APBA1: variants seen among roughly 807,000 people sequenced by gnomAD.
APBA1 encodes the protein amyloid-beta A4 precursor protein-binding family A member 1.
Under a neutral mutation model 86.6 loss-of-function variants are expected in APBA1, and 55 were observed. The ratio of observed to expected loss-of-function variants is 0.64; its 90% CI spans 0.51 to 0.80. APBA1 has a LOEUF of 0.80. Among genes scored for constraint, APBA1 ranks in the 30% least tolerant of loss-of-function variants. The pLI is 0.00. For missense variants in APBA1, 1,090 were observed against 1,183.0 expected (o/e 0.92, Z 1.15); for synonymous variants, 511 against 493.9 (o/e 1.03, Z -0.46).
chr9:69,457,046 C>A lies in APBA1; in HGVS notation c.1602+7G>T. 3.7e-6 allele frequency: 6 copies of A among 1,613,304 alleles called. No individual in the cohort carries two copies. Among genetic ancestry groups the A allele is most frequent in the Non-Finnish European group, 5.1e-6 (6 of 1,179,268 alleles). ...TCACCCTGGGAAAGGTGGAAGCCAG[C>A]TGATACCTGTGTGTCGGCGTTCAGC... is the stretch of plus-strand genomic sequence containing the variant. On this transcript the variant is annotated splice_region_variant and intron_variant, in intron 7 of 12. Coordinates refer to ENST00000265381, the MANE Select transcript of APBA1 (RefSeq NM_001163.4).
chr9:69,489,007 C>T (rs1835656581), intron 2 of APBA1, among the ~76,000 whole-genome samples: 1 of 152,040 alleles, frequency 6.6e-6, no homozygotes, highest in Non-Finnish European at 1.5e-5. Flanking sequence ...AAGAACATTC[C>T]ATGCTGATGG....
At chr9:69,470,610 G>C (rs111620119) in intron 4 of APBA1, among the ~76,000 whole-genome samples, 1 of 152,182 alleles carries the variant, frequency 6.6e-6, no homozygotes, top group Non-Finnish European at 1.5e-5. Context: ...TGAGCCCAAG[G>C]GTTCATGAAG....
At chr9:69,465,059 A>AC (rs1359735552) in intron 5 of APBA1, 1 of 152,234 alleles carries the variant, frequency 6.6e-6, no homozygotes, top group Non-Finnish European at 1.5e-5. Flanking sequence ...ATACGCCTGA[A>AC]CGGGCTCTGG....
At chr9:69,621,273 G>A (rs1329603909) in intron 1 of APBA1, among the ~76,000 whole-genome samples, 2 of 152,178 alleles carry the variant, frequency 1.3e-5, no homozygotes, top group African/African-American at 4.8e-5. Flanking sequence ...ATCACTTCAT[G>A]TAAGATTACG....
At chr9:69,457,710 T>G (rs1247736231) in intron 6 of APBA1, among the ~76,000 whole-genome samples, 2 of 152,164 alleles carry the variant, frequency 1.3e-5, no homozygotes, top group Non-Finnish European at 2.9e-5. Context: ...CATAAGCACC[T>G]AGAAGCTCCA....
At chr9:69,590,265 T>A (rs1248378123) in intron 1 of APBA1, among the ~76,000 whole-genome samples, 2 of 152,234 alleles carry the variant, frequency 1.3e-5, no homozygotes, top group Non-Finnish European at 2.9e-5. Flanking sequence ...GCCCAGTTCC[T>A]GGCAGATCCA....
chr9:69,468,033 G>A, intron 4 of APBA1, 65 bp from the exon 5 acceptor site: 1 of 1,574,882 alleles, frequency 6.3e-7, no homozygotes, highest in Non-Finnish European at 8.7e-7. Flanking sequence ...CCCCTCAATG[G>A]CACATCTCCC....
intron 8 of APBA1, 139 bp downstream of exon 8, chr9:69,456,108 C>G: frequency 1.0e-6 from 1 of 974,940 alleles, no homozygotes; most frequent in Non-Finnish European, 1.6e-6. Context: ...AGCCTTATAT[C>G]TCTAGTGCTG....
At chr9:69,623,303 T>C (rs1822862973) in intron 1 of APBA1, among the ~76,000 whole-genome samples, 1 of 152,176 alleles carries the variant, frequency 6.6e-6, no homozygotes, top group Admixed American at 6.5e-5. Flanking sequence ...AGCCTCATTT[T>C]CCTTTATTCC....
intron 1 of APBA1, among the ~76,000 whole-genome samples, chr9:69,590,381 T>C (rs1159803267): frequency 6.6e-6 from 1 of 152,200 alleles, no homozygotes; most frequent in Non-Finnish European, 1.5e-5. Flanking sequence ...GTTCTAGTCC[T>C]GGCTTTGGGC....
intron 1 of APBA1, among the ~76,000 whole-genome samples, chr9:69,585,962 T>C (rs1036511167): frequency 6.6e-6 from 1 of 152,146 alleles, no homozygotes; most frequent in African/African-American, 2.4e-5. Flanking sequence ...TTGAGCCTTA[T>C]TCTAGACTGC....
intron 11 of APBA1, among the ~76,000 whole-genome samples, chr9:69,436,740 CT>C: frequency 6.6e-6 from 1 of 152,256 alleles, no homozygotes; most frequent in African/African-American, 2.4e-5. Context: ...ATTTGACTTC[CT>C]CTTTTCCTAA....
At chr9:69,471,774 A>G (rs1053941371) in intron 3 of APBA1, 79 bp from the exon 4 acceptor site, 7 of 1,139,972 alleles carry the variant, frequency 6.1e-6, no homozygotes, top group Non-Finnish European at 9.1e-6. Context: ...ATGCAACATG[A>G]AAAATAAATA....
At chr9:69,626,752 C>G (rs908251729) in intron 1 of APBA1, among the ~76,000 whole-genome samples, 1 of 152,128 alleles carries the variant, frequency 6.6e-6, no homozygotes, top group South Asian at 2.1e-4. Context: ...AAAGAAAGAA[C>G]TATTATGATT....
chr9:69,501,890 C>T (rs11138986), intron 2 of APBA1, among the ~76,000 whole-genome samples: 22,787 of 152,060 alleles, frequency 0.15, 2,326 homozygotes, highest in East Asian at 0.28. Context: ...GTTTATTGAG[C>T]ATACACTTAT....
At chr9:69,562,876 C>T (rs1836969035) in intron 1 of APBA1, among the ~76,000 whole-genome samples, 1 of 152,138 alleles carries the variant, frequency 6.6e-6, no homozygotes, top group Non-Finnish European at 1.5e-5. Flanking sequence ...AAGTTAAAAA[C>T]AATTTGACAA....
intron 2 of APBA1, among the ~76,000 whole-genome samples, chr9:69,503,473 T>C (rs1471214343): frequency 1.3e-5 from 2 of 152,108 alleles, no homozygotes; most frequent in African/African-American, 4.8e-5. Context: ...ACCTCTTTCA[T>C]GTTACATGCA....
intron 5 of APBA1, among the ~76,000 whole-genome samples, chr9:69,467,244 C>T (rs1835293724): frequency 6.6e-6 from 1 of 152,176 alleles, no homozygotes; most frequent in Non-Finnish European, 1.5e-5. Context: ...CAAACAGGCT[C>T]GTTCCTTTTA....
intron 1 of APBA1, among the ~76,000 whole-genome samples, chr9:69,586,251 C>A (rs1386046935): frequency 6.6e-6 from 1 of 152,228 alleles, no homozygotes; most frequent in Non-Finnish European, 1.5e-5. Flanking sequence ...CTATTGGCAT[C>A]TCCTTGCCCC....
Sources: allele counts gnomAD v4.1 joint callset (sites outside exome capture counted in the v4.1 genomes callset), GRCh38; gene constraint gnomAD v4.1.1; transcripts MANE v1.5; gene names NCBI Gene and HGNC (gene_info 2026-07-23, HGNC 2026-07-21).